Variants in CDC40 observed in about 807,000 individuals in gnomAD.
CDC40 encodes the protein cell division cycle 40.
CDC40 carries 27 observed loss-of-function variants against 80.6 expected under a neutral mutation model. The ratio of observed to expected loss-of-function variants is 0.33; its 90% CI spans 0.25 to 0.46. The LOEUF (loss-of-function observed/expected upper bound fraction) is 0.46. Ranked by LOEUF, CDC40 falls within the 20% of genes least tolerant of loss-of-function variation. CDC40 has a pLI of 1.00. For missense variants in CDC40, 486 were observed against 694.1 expected (o/e 0.70, Z 3.37); for synonymous variants, 221 against 232.6 (o/e 0.95, Z 0.45).
Position 110,204,955 on chromosome 6 carries a change from C to T in CDC40, c.407-2551C>T, listed in dbSNP as rs141628331. ...GTGCTGGGATTACAGGCCTGAGCCA[C>T]GATGCCCGGCCCTATTTCTCTTCAT... On this transcript the variant is annotated intron_variant, in intron 3 of 14. Transcript: ENST00000307731. Among the ~76,000 whole-genome samples, 380 of 152,212 alleles carry T rather than the reference C, an allele frequency of 2.5e-3. 6 individuals carry two copies. The highest frequency in any genetic ancestry group is 0.018 in the East Asian group (91 of 5,188).
chr6:110,180,435 T>G lies in CDC40; in HGVS notation c.-10T>G. 6.2e-7 allele frequency: 1 copy of G among 1,614,020 alleles called. No homozygotes were observed. The stretch of plus-strand genomic sequence containing the variant: ...CCTGGCAGGGTCTCCGCAGAAGATT[T>G]GTTGCCGTCATGTCGGCTGCGATTG... On this transcript the variant is annotated 5_prime_UTR_variant, in exon 1 of 15. Transcript: ENST00000307731.
At position 110,201,659 on chromosome 6, in the gene CDC40, G is replaced by A; in HGVS notation, c.378G>A (p.Glu126=). 6.2e-7 allele frequency: 1 copy of A among 1,613,420 alleles called. No homozygotes were observed. The highest frequency in any genetic ancestry group is 1.3e-5 in the African/African-American group (1 of 74,988). The change falls in exon 3 of 15, where the codon GAG becomes GAA. Residue 126 remains glutamate, a synonymous_variant. Coordinates refer to ENST00000307731, the MANE Select transcript of CDC40 (RefSeq NM_015891.3). ...CTCATATCAATGATTTCATGTTTGA[G>A]CAGCAAAGGAGAACTTTTGCAACAT... ...EPAHINDFMF[E]QQRRTFATYG... is the part of the protein sequence containing the mutation.
chr6:110,193,338 C>A, intron 2 of CDC40, 70 bp downstream of exon 2: 1 of 879,412 alleles, frequency 1.1e-6, no homozygotes, highest in Non-Finnish European at 1.9e-6. Flanking sequence ...TTAGGTGCAG[C>A]AGTGAATTTT....
intron 8 of CDC40, among the ~76,000 whole-genome samples, chr6:110,213,851 T>C (rs1171901089): frequency 1.3e-5 from 2 of 152,184 alleles, no homozygotes; most frequent in African/African-American, 4.8e-5. Flanking sequence ...TGTTCAGTCA[T>C]AGAATGTGTG....
chr6:110,209,942 C>T (rs922270636), intron 5 of CDC40, among the ~76,000 whole-genome samples: 16 of 151,992 alleles, frequency 1.1e-4, no homozygotes, highest in African/African-American at 3.6e-4. Flanking sequence ...TTACTACTAC[C>T]CCATCTTCTG....
At chr6:110,184,163 A>G (rs1211276974) in intron 1 of CDC40, among the ~76,000 whole-genome samples, 2 of 152,344 alleles carry the variant, frequency 1.3e-5, no homozygotes, top group East Asian at 3.9e-4. Flanking sequence ...TTTTGTCTAT[A>G]GTGCGAACAT....
intron 12 of CDC40, among the ~76,000 whole-genome samples, chr6:110,225,008 C>T (rs1158563623): frequency 6.6e-6 from 1 of 152,150 alleles, no homozygotes; most frequent in East Asian, 1.9e-4. Context: ...AATGTCAGTT[C>T]TCATTGGTAC....
At chr6:110,226,289 C>T (rs766766103) in intron 13 of CDC40, 46 bp downstream of exon 13, 1 of 1,203,740 alleles carries the variant, frequency 8.3e-7, no homozygotes, top group Non-Finnish European at 1.2e-6. Flanking sequence ...TTCTAAGATA[C>T]AGTGTGATTT....
intron 1 of CDC40, among the ~76,000 whole-genome samples, chr6:110,186,325 G>GA (rs992136294): frequency 1.1e-4 from 16 of 152,018 alleles, no homozygotes; most frequent in African/African-American, 3.9e-4. Context: ...CCTGTCTCTA[G>GA]AAAAAATACA....
At chr6:110,203,834 C>T (rs934431603) in intron 3 of CDC40, among the ~76,000 whole-genome samples, 17 of 152,124 alleles carry the variant, frequency 1.1e-4, no homozygotes, top group Non-Finnish European at 2.5e-4. Context: ...CTGCCTGCTC[C>T]CCTGCCAGTC....
Position 110,217,692 on chromosome 6 carries a change from C to T in CDC40, c.989-10C>T, listed in dbSNP as rs1777718200. 4 of 1,361,132 alleles carry T rather than the reference C, an allele frequency of 2.9e-6. No homozygotes were observed. The East Asian group carries it at 6.9e-5, about 23-fold the overall frequency. 84.3% of individuals were successfully genotyped at this position (1,361,132 alleles called of 1,614,324 possible). Reference sequence around the variant, plus strand: ...CACCTCATTGCTGTTTCTGTTGACTCCACCTTTAGGTCACAGTAAGGCTGT... The same window carrying T: ...CACCTCATTGCTGTTTCTGTTGACTTCACCTTTAGGTCACAGTAAGGCTGT... On this transcript the variant is annotated splice_polypyrimidine_tract_variant and intron_variant, in intron 9 of 14. Coordinates refer to ENST00000307731, the MANE Select transcript of CDC40 (RefSeq NM_015891.3).
chr6:110,184,068 C>G (rs78874176), intron 1 of CDC40, among the ~76,000 whole-genome samples: 11,074 of 152,208 alleles, frequency 0.073, 548 homozygotes, highest in African/African-American at 0.14. Context: ...TTGAGAAATC[C>G]TTAACTCATA....
chr6:110,209,407 CT>C, intron 5 of CDC40, 184 bp downstream of exon 5: 1 of 485,034 alleles, frequency 2.1e-6, no homozygotes, highest in Non-Finnish European at 3.7e-6. Flanking sequence ...TTTTATTTAC[CT>C]TTTCTGCTGA....
At chr6:110,212,395 G>A in intron 7 of CDC40, 123 bp downstream of exon 7, 2 of 901,846 alleles carry the variant, frequency 2.2e-6, no homozygotes, top group East Asian at 2.6e-5. Flanking sequence ...CAAATTGAAT[G>A]TAAGCCTGAG....
Position 110,229,958 on chromosome 6 carries a change from G to A in CDC40, c.1567G>A (p.Val523Met). ...QVDFSPDMSYVISGDGNGKLN... is the reference protein window; with the variant it reads ...QVDFSPDMSYMISGDGNGKLN... ...TTATCTTTCTTCCCATTATAGTTAT[G>A]TGATTTCAGGAGATGGAAATGGAAA... The change falls in exon 15 of 15, where the codon GTG (valine) becomes ATG (methionine). Residue 523 changes from valine (V) to methionine (M), a missense_variant. Around this residue, in one of 3 missense-constraint regions of CDC40, gnomAD observed 88 missense variants for 138.7 expected, o/e 0.63. Transcript: ENST00000307731. 1 of 1,594,926 alleles carries A rather than the reference G, an allele frequency of 6.3e-7. No homozygotes were observed. The highest frequency in any genetic ancestry group is 8.6e-7 in the Non-Finnish European group (1 of 1,163,978).
chr6:110,222,584 CAAAA>C lies in CDC40; in HGVS notation c.1340+2718_1340+2721del, dbSNP rs550513572. On this transcript the variant is annotated intron_variant, in intron 12 of 14. Coordinates refer to ENST00000307731, the MANE Select transcript of CDC40 (RefSeq NM_015891.3). The stretch of plus-strand genomic sequence containing the variant: ...AAACAAAAAAAACAAACAACAACAA[CAAAA>C]AACAGTTTTCAGTTTAACCCTTACT... Among the ~76,000 whole-genome samples the C allele has an allele frequency of 5.7e-3, 861 of 151,998 alleles. 3 individuals are homozygous for C. Among genetic ancestry groups the C allele is most frequent in the Non-Finnish European group, 8.7e-3 (589 of 67,914 alleles).
chr6:110,183,340 A>G (rs1777224760), intron 1 of CDC40, among the ~76,000 whole-genome samples: 1 of 152,234 alleles, frequency 6.6e-6, no homozygotes, highest in South Asian at 2.1e-4. Context: ...GAATGGAATG[A>G]AAAAGAAAGT....
chr6:110,225,035 G>A (rs984986569), intron 12 of CDC40, among the ~76,000 whole-genome samples: 2 of 152,168 alleles, frequency 1.3e-5, no homozygotes, highest in African/African-American at 4.8e-5. Context: ...GGTATAAAGG[G>A]TTGGAGATCT....
intron 3 of CDC40, among the ~76,000 whole-genome samples, chr6:110,206,707 A>G (rs1417620935): frequency 6.6e-6 from 1 of 152,224 alleles, no homozygotes; most frequent in South Asian, 2.1e-4. Context: ...TATTTTCAAA[A>G]TAATAGCTAG....
Sources: allele counts gnomAD v4.1 joint callset (sites outside exome capture counted in the v4.1 genomes callset), GRCh38; gene constraint gnomAD v4.1.1; regional missense constraint gnomAD v4.1.1; transcripts MANE v1.5; gene names NCBI Gene and HGNC (gene_info 2026-07-23, HGNC 2026-07-21).